The following ZC3H11A variants were observed in gnomAD, a reference collection of about 807,000 sequenced individuals.
ZC3H11A encodes the protein zinc finger CCCH domain-containing protein 11A.
In ZC3H11A, 22 loss-of-function variants were observed where a neutral mutation model predicts 90.8. The ratio of observed to expected loss-of-function variants is 0.24; its 90% CI spans 0.17 to 0.35. The LOEUF is 0.35. ZC3H11A is among the 10% of genes least tolerant of loss of function. The pLI, the probability that ZC3H11A is intolerant of heterozygous loss-of-function variation, is 1.00. For missense variants in ZC3H11A, 701 were observed against 964.9 expected, an observed-to-expected ratio of 0.73 and a Z score of 3.62; for synonymous variants, 294 against 339.8, an observed-to-expected ratio of 0.87 and a Z score of 1.48.
intron 11 of ZC3H11A, among the ~76,000 whole-genome samples, chr1:203,838,318 T>A (rs994152141): frequency 2.0e-5 from 3 of 152,156 alleles, no homozygotes; most frequent in African/African-American, 7.2e-5. Context: ...ATGCGATAAA[T>A]TTTGTAACAG....
intron 10 of ZC3H11A, among the ~76,000 whole-genome samples, chr1:203,836,998 G>A (rs546726971): frequency 2.8e-4 from 43 of 152,204 alleles, no homozygotes; most frequent in Middle Eastern, 3.4e-3. Flanking sequence ...TAATTCAGCA[G>A]CTGACCAGTT....
intron 12 of ZC3H11A, among the ~76,000 whole-genome samples, chr1:203,844,340 A>G (rs972797144): frequency 6.6e-6 from 1 of 151,418 alleles, no homozygotes; most frequent in African/African-American, 2.4e-5. Context: ...TTGTATTTTT[A>G]GTAGAGACGG....
intron 15 of ZC3H11A, 50 bp from the exon 16 acceptor site, chr1:203,850,465 T>A: frequency 6.2e-7 from 1 of 1,602,606 alleles, no homozygotes; most frequent in Non-Finnish European, 8.5e-7. Flanking sequence ...TATTCCCCAT[T>A]TAAAAGAGTC....
chr1:203,806,146 T>C (rs1244015998), intron 2 of ZC3H11A: 2 of 503,724 alleles, frequency 4.0e-6, no homozygotes, highest in Admixed American at 2.2e-5. Flanking sequence ...CTTCACTAGC[T>C]CAGCATCCAA....
At chr1:203,798,580 C>T in intron 1 of ZC3H11A, 1 of 1,536,128 alleles carries the variant, frequency 6.5e-7, no homozygotes, top group Non-Finnish European at 8.7e-7. Flanking sequence ...GAAAAGTCTA[C>T]AGGCAGCCAA....
intron 4 of ZC3H11A, among the ~76,000 whole-genome samples, chr1:203,819,220 CT>C (rs200161052): frequency 3.0e-5 from 4 of 133,788 alleles, no homozygotes; most frequent in Non-Finnish European, 3.3e-5. Flanking sequence ...TTTTTTCTTT[CT>C]TTTTATTTTT....
chr1:203,800,485 G>T, intron 1 of ZC3H11A: 2 of 1,461,108 alleles, frequency 1.4e-6, no homozygotes, highest in South Asian at 2.9e-5. Context: ...CATTTAAAAT[G>T]GGCAACTTTT....
At chr1:203,799,697 A>G (rs1424334648) in intron 1 of ZC3H11A, 8 of 714,142 alleles carry the variant, frequency 1.1e-5, no homozygotes, top group Non-Finnish European at 2.0e-5. Flanking sequence ...CCCTGCAGAA[A>G]CTCAGAGAAG....
At chr1:203,849,578 C>G (rs2103441210) in intron 14 of ZC3H11A, 133 bp from the exon 15 acceptor site, 1 of 855,618 alleles carries the variant, frequency 1.2e-6, no homozygotes, top group Non-Finnish European at 1.9e-6. Context: ...TATTTAACAT[C>G]AAATAAAGAG....
chr1:203,830,029 TC>T, intron 7 of ZC3H11A, 93 bp from the exon 8 acceptor site: 1 of 1,318,222 alleles, frequency 7.6e-7, no homozygotes, highest in Non-Finnish European at 1.1e-6. Flanking sequence ...TTTCTGTTGA[TC>T]ATTTATTCAA....
chr1:203,828,670 CATA>C (rs796810734), intron 5 of ZC3H11A, among the ~76,000 whole-genome samples: 7 of 152,280 alleles, frequency 4.6e-5, no homozygotes, highest in African/African-American at 1.7e-4. Context: ...TTATCAGACC[CATA>C]AACGTTTTCA....
chr1:203,850,348 A>G, intron 15 of ZC3H11A, 167 bp from the exon 16 acceptor site: 2 of 963,088 alleles, frequency 2.1e-6, no homozygotes, highest in Non-Finnish European at 3.3e-6. Context: ...ACCTGTAGTG[A>G]CCACCATGTG....
intron 1 of ZC3H11A, chr1:203,798,071 T>A: frequency 1.3e-6 from 2 of 1,536,138 alleles, no homozygotes; most frequent in Non-Finnish European, 1.7e-6. Context: ...ATTCACCTCA[T>A]TGGACCAGGG....
intron 4 of ZC3H11A, among the ~76,000 whole-genome samples, chr1:203,824,629 C>T (rs1558118081): frequency 6.7e-6 from 1 of 148,560 alleles, no homozygotes; most frequent in Non-Finnish European, 1.5e-5. Context: ...AGCTCTGCCT[C>T]CTTCTGATAC....
Position 203,818,840 on chromosome 1 carries a change from C to T in ZC3H11A, c.174+151C>T, listed in dbSNP as rs141478975. The stretch of plus-strand genomic sequence containing the variant: ...GTTCCAGCACTTTGGGAGGCTGAGG[C>T]GGGTAGATCATGAGGTCAGGAGATT... On this transcript the variant is annotated intron_variant, in intron 4 of 17. Transcript: ENST00000367210. The T allele has an allele frequency of 4.1e-5, 51 of 1,243,106 alleles. 1 individual carries two copies. The Middle Eastern group carries it at 7.2e-4, about 18-fold the overall frequency. 77.0% of individuals were successfully genotyped at this position (1,243,106 alleles called of 1,614,324 possible). A position where few individuals can be genotyped will look rare whatever the true frequency, so the allele number is the denominator to read the frequency against.
chr1:203,840,223 G>A, intron 11 of ZC3H11A, 83 bp from the exon 12 acceptor site: 1 of 1,368,800 alleles, frequency 7.3e-7, no homozygotes, highest in East Asian at 2.3e-5. Context: ...ACAGGTGTAT[G>A]CCACCATGCC....
At chr1:203,835,845 T>TC in intron 10 of ZC3H11A, 1 of 241,062 alleles carries the variant, frequency 4.1e-6, no homozygotes, top group Non-Finnish European at 9.2e-6. Flanking sequence ...AGCTATGTGC[T>TC]CCCTTTTTTT....
intron 1 of ZC3H11A, chr1:203,801,304 A>T (rs1278646693): frequency 3.3e-5 from 5 of 152,182 alleles, no homozygotes; most frequent in Non-Finnish European, 7.4e-5. Flanking sequence ...TTTTAAAAAC[A>T]TACTTAATGA....
intron 5 of ZC3H11A, chr1:203,829,216 G>C (rs1456454689): frequency 1.8e-6 from 1 of 566,960 alleles, no homozygotes; most frequent in East Asian, 3.0e-5. Flanking sequence ...CTAGTCTTCT[G>C]TTGATTCTGT....
Sources: gnomAD v4.1 joint callset for allele counts (sites outside exome capture counted in the v4.1 genomes callset) on GRCh38, gnomAD v4.1.1 for gene constraint, MANE v1.5 for transcripts, NCBI Gene and HGNC (gene_info 2026-07-23, HGNC 2026-07-21) for gene names.